FBN1: variants seen among roughly 807,000 people sequenced by gnomAD.
FBN1 encodes fibrillin-1.
Under a neutral mutation model 365.1 loss-of-function variants are expected in FBN1, and 29 were observed. The ratio of observed to expected loss-of-function variants is 0.08; its 90% CI spans 0.06 to 0.11. The LOEUF is 0.11. FBN1 is among the 10% of genes least tolerant of loss of function. The pLI is 1.00. For synonymous variants in FBN1, 1,210 were observed against 1,270.5 expected, an observed-to-expected ratio of 0.95 and a Z score of 1.01; for missense variants, 2,476 against 3,703.2, an observed-to-expected ratio of 0.67 and a Z score of 8.60.
intron 46 of FBN1, among the ~76,000 whole-genome samples, chr15:48,448,039 T>C (rs963296468): frequency 6.6e-6 from 1 of 152,162 alleles, no homozygotes; most frequent in Non-Finnish European, 1.5e-5. Flanking sequence ...GGGCTGTCAG[T>C]GCTCTTGTCA....
intron 36 of FBN1, 106 bp downstream of exon 36, chr15:48,470,528 C>T: frequency 2.0e-6 from 3 of 1,491,798 alleles, no homozygotes; most frequent in South Asian, 1.1e-5. Flanking sequence ...TTCCCCCTTG[C>T]TTTTCTTGTC....
chr15:48,468,497 A>G lies in FBN1; in HGVS notation c.4497T>C (p.Ser1499=). 1 of 1,614,132 alleles carries G rather than the reference A, an allele frequency of 6.2e-7. No individual in the cohort carries two copies. Among genetic ancestry groups the G allele is most frequent in the East Asian group, 2.2e-5 (1 of 44,874 alleles). Residue 1499 remains serine, a synonymous_variant, in exon 37 of 66, where the codon AGT becomes AGC. Coordinates refer to ENST00000316623, the MANE Select transcript of FBN1 (RefSeq NM_000138.5). ...TGCCTGGAGTGTTGACACAGTTCCC[A>G]CTGATGCACGTGGTTGGATCCAGGC... ...NECLDPTTCI[S]GNCVNTPGSY... is the part of the protein sequence containing the mutation.
intron 2 of FBN1, among the ~76,000 whole-genome samples, chr15:48,622,527 T>A (rs1889788774): frequency 6.6e-6 from 1 of 152,210 alleles, no homozygotes; most frequent in Non-Finnish European, 1.5e-5. Flanking sequence ...GTGATTTCAT[T>A]GTTGGACCAA....
intron 6 of FBN1, among the ~76,000 whole-genome samples, chr15:48,559,493 C>T (rs1327366195): frequency 6.6e-6 from 1 of 152,166 alleles, no homozygotes; most frequent in Non-Finnish European, 1.5e-5. Context: ...AGCAGGCAGA[C>T]CTCTGTGAGG....
intron 6 of FBN1, among the ~76,000 whole-genome samples, chr15:48,559,393 C>A (rs959210693): frequency 7.2e-5 from 11 of 152,134 alleles, no homozygotes; most frequent in Non-Finnish European, 1.3e-4. Context: ...CGGGTGGAGG[C>A]TGGATTCCCC....
At chr15:48,644,292 G>A (rs1337155634) in intron 2 of FBN1, 1 of 383,886 alleles carries the variant, frequency 2.6e-6, no homozygotes, top group Non-Finnish European at 4.8e-6. Flanking sequence ...GGAAAGGAAC[G>A]GGCTTCTCCT....
intron 10 of FBN1, among the ~76,000 whole-genome samples, chr15:48,517,938 C>T (rs1304171800): frequency 6.6e-6 from 1 of 152,204 alleles, no homozygotes; most frequent in Non-Finnish European, 1.5e-5. Flanking sequence ...CCTCACGGGA[C>T]ATTCTGCCAA....
chr15:48,480,605 A>G (rs2043458529), intron 32 of FBN1, among the ~76,000 whole-genome samples: 1 of 152,156 alleles, frequency 6.6e-6, no homozygotes, highest in Non-Finnish European at 1.5e-5. Flanking sequence ...CTACATATCA[A>G]TAAATTTGAA....
intron 19 of FBN1, 25 bp downstream of exon 19, chr15:48,497,241 T>A (rs1373763114): frequency 6.2e-7 from 1 of 1,613,944 alleles, no homozygotes; most frequent in Non-Finnish European, 8.5e-7. Flanking sequence ...AGGCAATGTT[T>A]CAGAAAATGG....
chr15:48,574,285 T>C (rs2044328332), intron 6 of FBN1, among the ~76,000 whole-genome samples: 1 of 152,234 alleles, frequency 6.6e-6, no homozygotes, highest in Non-Finnish European at 1.5e-5. Flanking sequence ...GAGAAGTGAT[T>C]CTTCTGTGAA....
chr15:48,470,892 T>C (rs1226095661), intron 35 of FBN1, 136 bp from the exon 36 acceptor site: 10 of 979,074 alleles, frequency 1.0e-5, no homozygotes, highest in Non-Finnish European at 1.5e-5. Flanking sequence ...ACTTCTCCTA[T>C]AGACTTTTAG....
chr15:48,451,466 T>C (rs2043200773), intron 45 of FBN1, among the ~76,000 whole-genome samples: 1 of 152,194 alleles, frequency 6.6e-6, no homozygotes, highest in South Asian at 2.1e-4. Flanking sequence ...GTCTTGATTC[T>C]CAATGCGATT....
chr15:48,415,266 A>G (rs2042893261), intron 64 of FBN1, among the ~76,000 whole-genome samples: 1 of 152,200 alleles, frequency 6.6e-6, no homozygotes, highest in African/African-American at 2.4e-5. Flanking sequence ...CTTCCCAACA[A>G]GATGTGAAGA....
In FBN1 at chr15:48,596,387, T is replaced by A. The variant is rs776168186; in HGVS notation, c.443-9A>T. 1.2e-6 allele frequency: 2 copies of A among 1,613,016 alleles called. No individual in the cohort carries two copies. Among genetic ancestry groups the A allele is most frequent in the Admixed American group, 3.3e-5 (2 of 60,024 alleles). ...GCCACTTTCACAAACAGCTGTAAAA[T>A]AAGGAGAGAGCTGAGACGCTTTACC... is the stretch of plus-strand genomic sequence containing the variant. On this transcript the variant is annotated splice_polypyrimidine_tract_variant and intron_variant, in intron 5 of 65. Transcript: ENST00000316623.
At chr15:48,437,432 T>C in intron 51 of FBN1, 45 bp from the exon 52 acceptor site, 1 of 1,486,218 alleles carries the variant, frequency 6.7e-7, no homozygotes, top group Non-Finnish European at 9.4e-7. Flanking sequence ...TAGCAATTCA[T>C]TACAAGCTTC....
At chr15:48,430,920 C>T (rs1013687621) in intron 55 of FBN1, 118 bp from the exon 56 acceptor site, 3 of 924,072 alleles carry the variant, frequency 3.2e-6, no homozygotes, top group East Asian at 2.6e-5. Context: ...TATTTCACTA[C>T]TGGCTGTATT....
intron 63 of FBN1, among the ~76,000 whole-genome samples, chr15:48,418,635 T>C (rs1299359758): frequency 6.6e-6 from 1 of 152,198 alleles, no homozygotes; most frequent in Non-Finnish European, 1.5e-5. Flanking sequence ...CCACAAGGAA[T>C]TTTTTTACAC....
rs772849691 is a variant in FBN1 at position 48,505,154 on chromosome 15, C to T, written c.1838-7G>A. 5 of 1,613,982 alleles carry T rather than the reference C, an allele frequency of 3.1e-6. No homozygotes were observed. In the East Asian group the frequency reaches 1.1e-4, roughly 36 times the overall value. On this transcript the variant is annotated splice_polypyrimidine_tract_variant and splice_region_variant and intron_variant, in intron 15 of 65. Coordinates refer to ENST00000316623, the MANE Select transcript of FBN1 (RefSeq NM_000138.5). ...GTTTCACACTCGTTAATGTCTGTGGCAGAGAAAGGCACTTATTAAAAATGA... is the reference window on the plus strand; with the variant it reads ...GTTTCACACTCGTTAATGTCTGTGGTAGAGAAAGGCACTTATTAAAAATGA...
At chr15:48,417,457 T>TTCCTTCCTTC (rs2042911482) in intron 63 of FBN1, among the ~76,000 whole-genome samples, 1 of 121,142 alleles carries the variant, frequency 8.3e-6, no homozygotes. Context: ...CTTTCCTTCC[T>TTCCTTCCTTC]TCCTTCCTTC....
Sources: gnomAD v4.1 joint callset for allele counts (sites outside exome capture counted in the v4.1 genomes callset) on GRCh38, gnomAD v4.1.1 for gene constraint, MANE v1.5 for transcripts, NCBI Gene and HGNC (gene_info 2026-07-23, HGNC 2026-07-21) for gene names.